Variants in OCIAD2 observed in about 807,000 individuals in gnomAD.
OCIAD2 encodes the protein OCIA domain-containing protein 2.
Under a neutral mutation model 22.9 loss-of-function variants are expected in OCIAD2, and 29 were observed. The ratio of observed to expected loss-of-function variants is 1.27; its 90% confidence interval spans 0.94 to 1.73. OCIAD2 has a LOEUF of 1.73. Among genes scored for constraint, OCIAD2 ranks in the 40% most tolerant of loss-of-function variants. The pLI, the probability that OCIAD2 is intolerant of heterozygous loss-of-function variation, is 0.00. For synonymous variants in OCIAD2, 67 were observed against 60.2 expected, an observed-to-expected ratio of 1.11 and a Z score of -0.52; for missense variants, 189 against 180.3, an observed-to-expected ratio of 1.05 and a Z score of -0.28.
At chr4:48,903,924 C>T (rs1781471520) in intron 2 of OCIAD2, among the ~76,000 whole-genome samples, 1 of 151,340 alleles carries the variant, frequency 6.6e-6, no homozygotes, top group African/African-American at 2.4e-5. Context: ...GGATTACAGG[C>T]GTGAGCCACC....
At chr4:48,887,107 T>C (rs1414288765) in intron 6 of OCIAD2, among the ~76,000 whole-genome samples, 1 of 152,254 alleles carries the variant, frequency 6.6e-6, no homozygotes, top group Admixed American at 6.5e-5. Context: ...ATGAGCATTT[T>C]TTCATGTGTC....
rs779490700 is a variant in OCIAD2 at position 48,899,866 on chromosome 4, A to C, written c.126T>G (p.Ile42Met). The change falls in exon 3 of 7, where the codon ATT (isoleucine) becomes ATG (methionine). Residue 42 changes from isoleucine to methionine, a missense_variant. Ile to Met is a conservative substitution (Grantham distance 10). Transcript: ENST00000508632. ...AACTTTCTTCCTGACATTCTCGCAT[A>C]ATCTTTGAGATCTCTGCTCTGTGGA... is the stretch of plus-strand genomic sequence containing the variant. Reference protein sequence around the residue: ...LHIHRAEISKIMRECQEESFW... With the variant: ...LHIHRAEISKMMRECQEESFW... The C allele has an allele frequency of 5.0e-6, 8 of 1,613,846 alleles. No homozygotes were observed. Among genetic ancestry groups the C allele is most frequent in the Non-Finnish European group, 6.8e-6 (8 of 1,179,910 alleles).
At chr4:48,892,668 C>T (rs1781201732) in intron 6 of OCIAD2, 104 bp downstream of exon 6, 1 of 578,666 alleles carries the variant, frequency 1.7e-6, no homozygotes, top group Non-Finnish European at 2.9e-6. Flanking sequence ...ACTTTTTTTA[C>T]ATGTGAATTT....
rs529575297 is a variant in OCIAD2 at position 48,893,797 on chromosome 4, C to T, written c.265+209G>A. 54 of 303,022 alleles carry T rather than the reference C, an allele frequency of 1.8e-4. No individual in the cohort carries two copies. The South Asian group carries it at 7.4e-3, about 41-fold the overall frequency. 18.8% of individuals were successfully genotyped at this position (303,022 alleles called of 1,614,324 possible). On this transcript the variant is annotated intron_variant, in intron 5 of 6. Transcript: ENST00000508632. ...AGGCAGTTTAGTTAGGCTGGACATT[C>T]GTATCTCCAGTTGCTAGTAATGTCT...
At chr4:48,900,024 A>G (rs573608363) in intron 2 of OCIAD2, 99 bp from the exon 3 acceptor site, 2 of 791,722 alleles carry the variant, frequency 2.5e-6, no homozygotes, top group East Asian at 5.2e-5. Flanking sequence ...CACTTGTTAC[A>G]CAGTGTGTGT....
intron 3 of OCIAD2, among the ~76,000 whole-genome samples, chr4:48,899,126 C>A (rs1234530159): frequency 6.6e-6 from 1 of 152,104 alleles, no homozygotes; most frequent in Non-Finnish European, 1.5e-5. Context: ...CTTAAGAAAT[C>A]AAAATGAGTA....
chr4:48,895,854 A>G (rs982750704), intron 4 of OCIAD2, among the ~76,000 whole-genome samples: 2 of 152,120 alleles, frequency 1.3e-5, no homozygotes, highest in African/African-American at 4.8e-5. Flanking sequence ...CAACATGGTG[A>G]AACCCTGTCT....
At chr4:48,904,415 C>T in intron 2 of OCIAD2, 69 bp downstream of exon 2, 2 of 1,351,666 alleles carry the variant, frequency 1.5e-6, no homozygotes, top group South Asian at 1.2e-5. Flanking sequence ...CACCACTGCA[C>T]TCCAGTCTGG....
rs1292997317 is a variant in OCIAD2 at position 48,903,437 on chromosome 4, G to A, written c.66+1047C>T. Among the ~76,000 whole-genome samples the A allele has an allele frequency of 2.6e-5, 4 of 152,034 alleles. No individual in the cohort carries two copies. In the East Asian group the frequency reaches 7.7e-4, roughly 29 times the overall value. The stretch of plus-strand genomic sequence containing the variant: ...GGATCATTTGAGCTCAGGAGTTTGA[G>A]ACCAGCCTGGGCAATATAATGAGAC... On this transcript the variant is annotated intron_variant, in intron 2 of 6. Coordinates refer to ENST00000508632, the MANE Select transcript of OCIAD2 (RefSeq NM_001014446.3).
At position 48,894,059 on chromosome 4, in the gene OCIAD2, G is replaced by A; in HGVS notation, c.218-6C>T. ...AGAATTAGCTGCCAAATAACCTAAG[G>A]AGTAATAAAGAAAAACATTATTATT... On this transcript the variant is annotated splice_region_variant and splice_polypyrimidine_tract_variant and intron_variant, in intron 4 of 6. Coordinates refer to ENST00000508632, the MANE Select transcript of OCIAD2 (RefSeq NM_001014446.3). The A allele has an allele frequency of 7.2e-7, 1 of 1,382,848 alleles. No individual in the cohort carries two copies. The highest frequency in any genetic ancestry group is 9.7e-7 in the Non-Finnish European group (1 of 1,029,230). The allele number at this position is 1,382,848 out of a possible 1,614,324, so 85.7% of individuals were successfully genotyped here.
intron 6 of OCIAD2, among the ~76,000 whole-genome samples, chr4:48,887,040 G>A (rs7662189): frequency 6.7e-6 from 1 of 148,408 alleles, no homozygotes; most frequent in South Asian, 2.1e-4. Flanking sequence ...ATTCTAACTG[G>A]TGTGAGATGG....
intron 2 of OCIAD2, among the ~76,000 whole-genome samples, chr4:48,901,948 TG>T (rs201869993): frequency 5.3e-5 from 8 of 150,396 alleles, no homozygotes; most frequent in Non-Finnish European, 8.9e-5. Flanking sequence ...GGGGGAGGCG[TG>T]GGGGGGGCGT....
At chr4:48,899,737 C>T in intron 3 of OCIAD2, 92 bp downstream of exon 3, 1 of 852,354 alleles carries the variant, frequency 1.2e-6, no homozygotes, top group Non-Finnish European at 1.8e-6. Flanking sequence ...GATATTTATG[C>T]AAAGTCTCTG....
chr4:48,904,071 A>G (rs1485930832), intron 2 of OCIAD2, among the ~76,000 whole-genome samples: 1 of 152,148 alleles, frequency 6.6e-6, no homozygotes, highest in East Asian at 1.9e-4. Context: ...AAAGTGCCAG[A>G]CTGAAAAAAA....
At chr4:48,889,079 G>A (rs969583387) in intron 6 of OCIAD2, among the ~76,000 whole-genome samples, 2 of 152,306 alleles carry the variant, frequency 1.3e-5, no homozygotes, top group African/African-American at 4.8e-5. Context: ...GGGTGTATGT[G>A]TCCAGCAATT....
At chr4:48,905,373 C>T (rs989533648) in intron 1 of OCIAD2, among the ~76,000 whole-genome samples, 1 of 150,560 alleles carries the variant, frequency 6.6e-6, no homozygotes, top group Admixed American at 6.6e-5. Context: ...AAAAACAGTA[C>T]TGGAGAATAT....
intron 6 of OCIAD2, among the ~76,000 whole-genome samples, chr4:48,886,587 G>A (rs1367841547): frequency 6.7e-6 from 1 of 150,046 alleles, no homozygotes; most frequent in African/African-American, 2.5e-5. Flanking sequence ...GAGAACATGC[G>A]GTGTTTGGTT....
intron 6 of OCIAD2, among the ~76,000 whole-genome samples, chr4:48,888,605 G>C (rs1781065943): frequency 6.6e-6 from 1 of 152,006 alleles, no homozygotes; most frequent in Non-Finnish European, 1.5e-5. Flanking sequence ...ATGTGGTTTT[G>C]GTCTTTGGTT....
Position 48,904,507 on chromosome 4 carries a change from G to A in OCIAD2, c.43C>T (p.His15Tyr). 6.2e-7 allele frequency: 1 copy of A among 1,614,026 alleles called. No individual in the cohort carries two copies. The highest frequency in any genetic ancestry group is 1.3e-5 in the African/African-American group (1 of 75,014). ...ACCTGCTTGCTTGGTGGTGGAAAAT[G>A]GGCATCTTTATCTTGGTTTCCACGA... ...SARGNQDKDA[H>Y]FPPPSKQSLL... Residue 15 changes from histidine (H) to tyrosine (Y), a missense_variant, in exon 2 of 7, where the codon CAT (histidine) becomes TAT (tyrosine). By Grantham distance (83) the His-to-Tyr change is moderately conservative. Transcript: ENST00000508632.
Sources: allele counts gnomAD v4.1 joint callset (sites outside exome capture counted in the v4.1 genomes callset), GRCh38; gene constraint gnomAD v4.1.1; transcripts MANE v1.5; gene names NCBI Gene and HGNC (gene_info 2026-07-23, HGNC 2026-07-21).